The following DCT variants were observed in gnomAD, a reference collection of about 807,000 sequenced individuals.
The protein encoded by DCT is dopachrome tautomerase.
A neutral mutation model predicts 53.0 loss-of-function variants in DCT; 47 were observed. That is an observed-to-expected ratio of 0.89 (90% CI 0.70 to 1.13). DCT has a LOEUF of 1.13. Among genes scored for constraint, DCT ranks in the 50% most tolerant of loss-of-function variants. DCT has a pLI of 0.00. For missense variants in DCT, 669 were observed against 637.4 expected, an observed-to-expected ratio of 1.05 and a Z score of -0.53; for synonymous variants, 244 against 237.0, an observed-to-expected ratio of 1.03 and a Z score of -0.27.
At chr13:94,518,978 C>T in the DCT span, among the ~76,000 whole-genome samples, 1 of 152,122 alleles carries the variant, frequency 6.6e-6, no homozygotes, top group Middle Eastern at 3.2e-3. Context: ...AAGACCTTTG[C>T]CTACACTCTT....
At chr13:94,514,433 G>GAGTAAGCAAAGTTAGCAGCT in the DCT span, among the ~76,000 whole-genome samples, 3 of 152,208 alleles carry the variant, frequency 2.0e-5, no homozygotes, top group Non-Finnish European at 1.5e-5. Flanking sequence ...AGTCTGAGAG[G>GAGTAAGCAAAGTTAGCAGCT]AGTAAGCAAA....
the DCT span, among the ~76,000 whole-genome samples, chr13:94,496,656 T>G: frequency 6.6e-6 from 1 of 152,212 alleles, no homozygotes; most frequent in Non-Finnish European, 1.5e-5. Context: ...GATATTTATG[T>G]GTGGTACAGT....
chr13:94,520,688 G>A, the DCT span, among the ~76,000 whole-genome samples: 896 of 152,192 alleles, frequency 5.9e-3, 13 homozygotes, highest in African/African-American at 0.02. Context: ...AGAAGCTCTG[G>A]CTTTCTAGCA....
chr13:94,545,930 T>G, the DCT span, among the ~76,000 whole-genome samples: 1 of 152,056 alleles, frequency 6.6e-6, no homozygotes, highest in Non-Finnish European at 1.5e-5. Flanking sequence ...GATTTTCTCC[T>G]TGACCAAATG....
upstream of DCT, among the ~76,000 whole-genome samples, chr13:94,479,853 T>G (rs767145729): frequency 6.6e-6 from 1 of 152,152 alleles, no homozygotes; most frequent in Non-Finnish European, 1.5e-5. Context: ...ACTTCTGGCT[T>G]TATTTCAGGA....
the DCT span, among the ~76,000 whole-genome samples, chr13:94,545,149 T>C: frequency 1.3e-5 from 2 of 152,072 alleles, no homozygotes; most frequent in Non-Finnish European, 2.9e-5. Flanking sequence ...GAAGTGACAG[T>C]GTTTGACATC....
chr13:94,460,172 C>T lies in DCT; in HGVS notation c.1098G>A (p.Met366Ile), dbSNP rs370360434. ...KADGTLDSQV[M>I]SLHNLVHSFL... ...AGGAATGAACCAAATTATGAAGGCT[C>T]ATCACTTGAGAATCCAGAGTCCCAT... Residue 366 changes from methionine (M) to isoleucine (I), a missense_variant, in exon 6 of 8, where the codon ATG becomes ATA. Physicochemically the swap from Met to Ile is conservative, Grantham distance 10. Transcript: ENST00000377028. 4 of 1,613,834 alleles carry T rather than the reference C, an allele frequency of 2.5e-6. No homozygotes were observed. The African/African-American group carries it at 5.3e-5, about 22-fold the overall frequency.
chr13:94,445,726 T>G, intron 6 of DCT: 1 of 1,587,900 alleles, frequency 6.3e-7, no homozygotes, highest in South Asian at 1.2e-5. Flanking sequence ...TACCAGCACA[T>G]GCAGGGAAGG....
chr13:94,501,634 CAGAG>C, the DCT span, among the ~76,000 whole-genome samples: 1 of 148,594 alleles, frequency 6.7e-6, no homozygotes, highest in Non-Finnish European at 1.5e-5. Flanking sequence ...AAGACAGAGA[CAGAG>C]AGAGAGAGAG....
At chr13:94,483,232 AC>A (rs1405103214), upstream of DCT, among the ~76,000 whole-genome samples, 34 of 151,702 alleles carry the variant, frequency 2.2e-4, no homozygotes, top group Admixed American at 2.2e-3. Flanking sequence ...CCGTGATTGC[AC>A]CACTGCACTC....
the DCT span, among the ~76,000 whole-genome samples, chr13:94,511,860 G>A: frequency 1.2e-4 from 14 of 120,710 alleles, no homozygotes; most frequent in Non-Finnish European, 1.7e-4. Context: ...GTGTGTGTGT[G>A]TGTGTGTGTT....
chr13:94,469,172 C>T, intron 1 of DCT, 127 bp from the exon 2 acceptor site: 2 of 748,532 alleles, frequency 2.7e-6, no homozygotes, highest in South Asian at 3.5e-5. Flanking sequence ...CAAAGAAAGT[C>T]AATTTTCCTC....
chr13:94,460,349 C>T (rs766886396), intron 5 of DCT, 123 bp from the exon 6 acceptor site: 3 of 851,200 alleles, frequency 3.5e-6, no homozygotes, highest in Non-Finnish European at 3.6e-6. Flanking sequence ...GAAGCTCTGT[C>T]ATAGCAAATT....
Position 94,436,867 on chromosome 13 carries a change from C to G in DCT, c.*3031G>C, listed in dbSNP as rs142520110. 2 of 152,268 alleles carry G rather than the reference C, an allele frequency of 1.3e-5. No individual in the cohort carries two copies. The highest frequency in any genetic ancestry group is 4.8e-5 in the African/African-American group (2 of 41,548). The allele number at this position is 152,268 out of a possible 1,614,324, so 9.4% of individuals were successfully genotyped here. ...TCATTCAAAGAATATTTATAAAATA[C>G]TCAGGATAAGTAAGGCACTATAGAA... On this transcript the variant is annotated 3_prime_UTR_variant, in exon 8 of 8. Coordinates refer to ENST00000377028, the MANE Select transcript of DCT (RefSeq NM_001922.5).
intron 3 of DCT, 48 bp from the exon 4 acceptor site, chr13:94,465,847 C>T: frequency 6.5e-7 from 1 of 1,545,016 alleles, no homozygotes; most frequent in Non-Finnish European, 8.8e-7. Context: ...CCATCAGATA[C>T]AACAAGAAAG....
At chr13:94,496,925 G>A in the DCT span, among the ~76,000 whole-genome samples, 1 of 152,192 alleles carries the variant, frequency 6.6e-6, no homozygotes, top group East Asian at 1.9e-4. Flanking sequence ...CCACACAAGT[G>A]CTGGACGTCC....
intron 1 of DCT, among the ~76,000 whole-genome samples, chr13:94,474,425 A>T (rs777210099): frequency 5.9e-5 from 9 of 152,246 alleles, no homozygotes; most frequent in Non-Finnish European, 1.2e-4. Flanking sequence ...TATTTTAATA[A>T]CAATACTTTA....
At chr13:94,511,135 C>G in the DCT span, among the ~76,000 whole-genome samples, 1 of 152,094 alleles carries the variant, frequency 6.6e-6, no homozygotes, top group East Asian at 1.9e-4. Flanking sequence ...GGATAAAACC[C>G]AAAGTCCTAA....
chr13:94,493,681 T>C, the DCT span, among the ~76,000 whole-genome samples: 1 of 152,212 alleles, frequency 6.6e-6, no homozygotes, highest in Non-Finnish European at 1.5e-5. Flanking sequence ...CACAATATCC[T>C]GGGAACATCA....
Sources: allele counts gnomAD v4.1 joint callset (sites outside exome capture counted in the v4.1 genomes callset), GRCh38; gene constraint gnomAD v4.1.1; transcripts MANE v1.5; gene names NCBI Gene and HGNC (gene_info 2026-07-23, HGNC 2026-07-21).